The following PSPC1 variants were observed in gnomAD, a reference collection of about 807,000 sequenced individuals.
PSPC1 encodes paraspeckle component 1.
A neutral mutation model predicts 51.6 loss-of-function variants in PSPC1; 14 were observed. The ratio of observed to expected loss-of-function variants is 0.27; its 90% CI spans 0.18 to 0.42. The LOEUF (loss-of-function observed/expected upper bound fraction) is 0.42, where lower values mean the gene tolerates loss of function less well. PSPC1 is among the 10% of genes least tolerant of loss of function. PSPC1 has a pLI of 1.00. For synonymous variants in PSPC1, 193 were observed against 231.9 expected (o/e 0.83, Z 1.53); for missense variants, 406 against 701.1 (o/e 0.58, Z 4.75).
chr13:19,780,129 A>AGGGAGGC (rs1889769498), intron 1 of PSPC1, among the ~76,000 whole-genome samples: 5 of 48,136 alleles, frequency 1.0e-4, no homozygotes, highest in Non-Finnish European at 1.6e-4. Context: ...CCCGTCCGGG[A>AGGGAGGC]GGGAGGTGGG....
intron 1 of PSPC1, among the ~76,000 whole-genome samples, chr13:19,775,539 G>A (rs1308601746): frequency 1.3e-5 from 2 of 152,294 alleles, no homozygotes; most frequent in East Asian, 1.9e-4. Context: ...GAGCATCTAC[G>A]AATTTTAGTA....
At chr13:19,767,226 C>A (rs1482493953) in intron 2 of PSPC1, among the ~76,000 whole-genome samples, 1 of 151,954 alleles carries the variant, frequency 6.6e-6, no homozygotes, top group African/African-American at 2.4e-5. Flanking sequence ...GAAGAAAGAG[C>A]ATTCTCTAAG....
intron 2 of PSPC1, among the ~76,000 whole-genome samples, chr13:19,767,635 A>G (rs1888199949): frequency 6.7e-6 from 1 of 149,802 alleles, no homozygotes; most frequent in African/African-American, 2.5e-5. Flanking sequence ...ATGAAACAAA[A>G]AAGTACAGAT....
chr13:19,709,812 A>G (rs2137773170), intron 6 of PSPC1, among the ~76,000 whole-genome samples: 1 of 151,590 alleles, frequency 6.6e-6, no homozygotes, highest in Non-Finnish European at 1.5e-5. Flanking sequence ...TCCAGTTTAT[A>G]TTGCAAGATT....
rs980333186 is a variant in PSPC1, at chr13:19,714,685, G to C, written c.1159-5086C>G. Among the ~76,000 whole-genome samples the C allele has an allele frequency of 4.6e-5, 7 of 151,776 alleles. No individual in the cohort carries two copies. In the South Asian group the frequency reaches 1.2e-3, roughly 27 times the overall value. On this transcript the variant is annotated intron_variant, in intron 6 of 8. Transcript: ENST00000338910. ...AATTTTTGTGTTTTTTGTAGAAATGGGGTTTTACCATGTTACTTGGGATGG... is the reference window on the plus strand; with the variant it reads ...AATTTTTGTGTTTTTTGTAGAAATGCGGTTTTACCATGTTACTTGGGATGG...
At chr13:19,778,635 G>A in intron 1 of PSPC1, among the ~76,000 whole-genome samples, 3 of 127,222 alleles carry the variant, frequency 2.4e-5, no homozygotes, top group Admixed American at 8.2e-5. Context: ...GGCCTCCCGA[G>A]GTGCCGGGAT....
chr13:19,767,759 A>C (rs1037759765), intron 2 of PSPC1, among the ~76,000 whole-genome samples: 3 of 152,284 alleles, frequency 2.0e-5, no homozygotes, highest in African/African-American at 7.2e-5. Context: ...AAAATGTATA[A>C]ATGTAAAAGC....
At chr13:19,676,873 C>T (rs182697909) in intron 7 of PSPC1, among the ~76,000 whole-genome samples, 8 of 152,074 alleles carry the variant, frequency 5.3e-5, no homozygotes, top group Admixed American at 3.9e-4. Flanking sequence ...ACAAAAGAAC[C>T]GAAAAATTGT....
chr13:19,706,480 C>T (rs989623310), intron 7 of PSPC1, among the ~76,000 whole-genome samples: 4 of 151,810 alleles, frequency 2.6e-5, no homozygotes, highest in African/African-American at 7.3e-5. Flanking sequence ...GCAACCGCAA[C>T]CAAATACAGA....
intron 6 of PSPC1, among the ~76,000 whole-genome samples, chr13:19,693,780 G>C (rs1289154624): frequency 6.6e-6 from 1 of 152,092 alleles, no homozygotes; most frequent in East Asian, 1.9e-4. Flanking sequence ...CAAACACCAA[G>C]TAATTAAGCT....
chr13:19,714,556 C>A (rs1372964197), intron 6 of PSPC1, among the ~76,000 whole-genome samples: 5 of 149,026 alleles, frequency 3.4e-5, no homozygotes, highest in African/African-American at 1.2e-4. Context: ...GGTGCAATGG[C>A]GTGATCTCAA....
chr13:19,741,677 T>A, intron 4 of PSPC1, 28 bp from the exon 5 acceptor site: 1 of 1,434,596 alleles, frequency 7.0e-7, no homozygotes, highest in East Asian at 2.3e-5. Flanking sequence ...CACATTAATA[T>A]TTTTAGTTTC....
At chr13:19,733,730 T>G (rs1884416999) in intron 5 of PSPC1, among the ~76,000 whole-genome samples, 1 of 150,944 alleles carries the variant, frequency 6.6e-6, no homozygotes, top group Non-Finnish European at 1.5e-5. Flanking sequence ...GCCACTGCAC[T>G]GCAGCCTGGG....
chr13:19,725,884 T>C (rs1033198539), intron 6 of PSPC1, among the ~76,000 whole-genome samples: 6 of 152,116 alleles, frequency 3.9e-5, no homozygotes, highest in East Asian at 1.9e-4. Context: ...TATATAACCA[T>C]ATGCAGTGGT....
chr13:19,706,556 G>A (rs1375943529), intron 7 of PSPC1, among the ~76,000 whole-genome samples: 3 of 151,834 alleles, frequency 2.0e-5, no homozygotes, highest in Non-Finnish European at 4.4e-5. Flanking sequence ...GGGACAACCT[G>A]ATAATATTTC....
chr13:19,735,670 T>C (rs1309763605), intron 5 of PSPC1, among the ~76,000 whole-genome samples: 4 of 152,154 alleles, frequency 2.6e-5, no homozygotes, highest in Admixed American at 1.3e-4. Flanking sequence ...TGTTAACAAA[T>C]AAAGCTATCT....
rs373817747 is a variant in PSPC1 at position 19,687,512 on chromosome 13, C to T, written c.1159-9689G>A. Among the ~76,000 whole-genome samples, 6 of 152,268 alleles carry T rather than the reference C, an allele frequency of 3.9e-5. No individual in the cohort carries two copies. In the South Asian group the frequency reaches 8.3e-4, roughly 21 times the overall value. On this transcript the variant is annotated intron_variant and NMD_transcript_variant, in intron 6 of 7. Coordinates refer to the PSPC1 transcript ENST00000471658. ...ACAATTCTCTAGCCAAGATCTTTTC[C>T]CCGAGCATCAGGATTTCCTGTGCTG...
chr13:19,692,738 ACCAGAAACC>A, intron 6 of PSPC1, among the ~76,000 whole-genome samples: 1 of 151,996 alleles, frequency 6.6e-6, no homozygotes, highest in Non-Finnish European at 1.5e-5. Flanking sequence ...CATCATTCAA[ACCAGAAACC>A]CCTAGGACAC....
chr13:19,738,903 C>T (rs571130351), intron 5 of PSPC1, among the ~76,000 whole-genome samples: 9 of 123,018 alleles, frequency 7.3e-5, no homozygotes, highest in African/African-American at 2.4e-4. Flanking sequence ...GAGACTCCAT[C>T]TCAAAAAAAA....
Sources: allele counts gnomAD v4.1 joint callset (sites outside exome capture counted in the v4.1 genomes callset), GRCh38; gene constraint gnomAD v4.1.1; transcripts MANE v1.5; gene names NCBI Gene and HGNC (gene_info 2026-07-23, HGNC 2026-07-21).